CDH18: variants seen among roughly 807,000 people sequenced by gnomAD.
The protein encoded by CDH18 is cadherin-18.
CDH18 carries 31 observed loss-of-function variants against 67.9 expected under a neutral mutation model. The observed-to-expected ratio is 0.46, with a 90% CI of 0.34 to 0.62. The LOEUF is 0.62. Among genes scored for constraint, CDH18 ranks in the 20% least tolerant of loss-of-function variants. CDH18 has a pLI of 0.01. For missense variants in CDH18, 890 were observed against 975.5 expected, an observed-to-expected ratio of 0.91 and a Z score of 1.17; for synonymous variants, 362 against 347.2, an observed-to-expected ratio of 1.04 and a Z score of -0.48.
intron 3 of CDH18, among the ~76,000 whole-genome samples, chr5:19,816,484 T>C (rs747219278): frequency 3.4e-4 from 51 of 151,878 alleles, no homozygotes; most frequent in Non-Finnish European, 1.3e-4. Flanking sequence ...ATTTTAAATG[T>C]CTCCTTAGTT....
chr5:19,663,064 T>A (rs1247705807), intron 5 of CDH18, among the ~76,000 whole-genome samples: 4 of 151,954 alleles, frequency 2.6e-5, no homozygotes, highest in African/African-American at 9.7e-5. Context: ...AGTACTCATT[T>A]AACAACGTTC....
intron 1 of CDH18, among the ~76,000 whole-genome samples, chr5:20,559,947 G>T (rs1758108091): frequency 1.4e-5 from 1 of 73,108 alleles, no homozygotes; most frequent in Admixed American, 1.7e-4. Flanking sequence ...TTCCCTGCTA[G>T]GTCTGTTGCC....
chr5:20,341,777 G>C (rs1284295861), intron 1 of CDH18, among the ~76,000 whole-genome samples: 1 of 151,744 alleles, frequency 6.6e-6, no homozygotes, highest in East Asian at 1.9e-4. Flanking sequence ...GTAGTATGGA[G>C]AACACTGATA....
At chr5:20,227,890 C>T (rs1741760712) in intron 2 of CDH18, among the ~76,000 whole-genome samples, 1 of 152,090 alleles carries the variant, frequency 6.6e-6, no homozygotes, top group African/African-American at 2.4e-5. Context: ...TCTCTCTTCT[C>T]TGTCACAGGT....
intron 10 of CDH18, among the ~76,000 whole-genome samples, chr5:19,515,471 A>G (rs1262099136): frequency 6.6e-6 from 1 of 152,162 alleles, no homozygotes; most frequent in African/African-American, 2.4e-5. Context: ...GATTCTTCCT[A>G]TCCATGAGCA....
chr5:19,593,289 G>T (rs748804663), intron 6 of CDH18, among the ~76,000 whole-genome samples: 1 of 152,074 alleles, frequency 6.6e-6, no homozygotes, highest in Non-Finnish European at 1.5e-5. Flanking sequence ...CCAACAGTTT[G>T]CAAGGGTTCA....
At position 19,816,210 on chromosome 5, in the gene CDH18, T is replaced by C. The variant is rs2149920815; in HGVS notation, c.228+22549A>G. On this transcript the variant is annotated intron_variant, in intron 3 of 12. Transcript: ENST00000382275. ...ACACTATTTGGTCTCTTATCTATTC[T>C]TTTTAATTTTTATTCCTATCCTCTT... Among the ~76,000 whole-genome samples, 3 of 151,982 alleles carry C rather than the reference T, an allele frequency of 2.0e-5. No homozygotes were observed. The South Asian group carries it at 6.2e-4, about 31-fold the overall frequency.
intron 6 of CDH18, among the ~76,000 whole-genome samples, chr5:19,610,715 T>G (rs532835819): frequency 6.6e-6 from 1 of 152,146 alleles, no homozygotes; most frequent in Non-Finnish European, 1.5e-5. Flanking sequence ...GCTTATTATC[T>G]TTATCTTCAA....
At chr5:19,627,476 C>A (rs1183676376) in intron 5 of CDH18, among the ~76,000 whole-genome samples, 2 of 152,088 alleles carry the variant, frequency 1.3e-5, no homozygotes, top group African/African-American at 2.4e-5. Flanking sequence ...AAAATATTAT[C>A]AGTATTCAAC....
At chr5:20,109,581 T>C (rs1468621561) in intron 2 of CDH18, among the ~76,000 whole-genome samples, 1 of 152,144 alleles carries the variant, frequency 6.6e-6, no homozygotes, top group African/African-American at 2.4e-5. Context: ...GTTCAGCAGG[T>C]AGTTTTCCTT....
In CDH18 at chr5:19,502,572, A is replaced by G. The variant is rs114328882; in HGVS notation, c.1630+420T>C. The G allele has an allele frequency of 1.5e-3, 475 of 324,820 alleles. 3 individuals carry two copies. The highest frequency in any genetic ancestry group is 9.1e-3 in the African/African-American group (427 of 47,028). 20.1% of individuals were successfully genotyped at this position (324,820 alleles called of 1,614,324 possible). On this transcript the variant is annotated intron_variant, in intron 11 of 12. Transcript: ENST00000382275. ...TAACAAGAGGAAATATAATTTGTAA[A>G]GCACATCTTGATAGCCTTGCTCATA...
At chr5:20,059,727 T>C (rs1478379436) in intron 2 of CDH18, among the ~76,000 whole-genome samples, 1 of 152,158 alleles carries the variant, frequency 6.6e-6, no homozygotes, top group African/African-American at 2.4e-5. Context: ...TGCCCATCAG[T>C]GACTGGATAT....
chr5:20,218,709 T>C (rs116206365), intron 2 of CDH18, among the ~76,000 whole-genome samples: 1,645 of 152,100 alleles, frequency 0.011, 31 homozygotes, highest in African/African-American at 0.037. Flanking sequence ...TTTCCACTTT[T>C]GTATCTTCCT....
At chr5:20,406,455 A>ATTAGGAAATATACC (rs1746265468) in intron 1 of CDH18, among the ~76,000 whole-genome samples, 1 of 151,990 alleles carries the variant, frequency 6.6e-6, no homozygotes, top group Non-Finnish European at 1.5e-5. Context: ...GAGGGATAGC[A>ATTAGGAAATATACC]TTAGGAAATA....
chr5:20,270,142 A>G (rs2126661303), intron 1 of CDH18, among the ~76,000 whole-genome samples: 1 of 150,074 alleles, frequency 6.7e-6, no homozygotes, highest in South Asian at 2.1e-4. Context: ...AAAATGATGC[A>G]GGAGATTTCT....
intron 1 of CDH18, among the ~76,000 whole-genome samples, chr5:20,401,052 AG>A (rs1215077807): frequency 6.6e-6 from 1 of 152,176 alleles, no homozygotes; most frequent in Admixed American, 6.5e-5. Context: ...TCTGAGAAAA[AG>A]AAATGGGATA....
chr5:20,266,172 A>C (rs1226693129), intron 1 of CDH18, among the ~76,000 whole-genome samples: 2 of 152,158 alleles, frequency 1.3e-5, no homozygotes, highest in Non-Finnish European at 2.9e-5. Flanking sequence ...AGATTGTAGG[A>C]ATTCTCAGCC....
chr5:20,529,450 A>G (rs1756267506), intron 1 of CDH18, among the ~76,000 whole-genome samples: 1 of 152,092 alleles, frequency 6.6e-6, no homozygotes, highest in South Asian at 2.1e-4. Context: ...GGAAAACTTT[A>G]GGCCAATATC....
chr5:19,488,430 T>C (rs1477975753), intron 11 of CDH18, among the ~76,000 whole-genome samples: 1 of 152,176 alleles, frequency 6.6e-6, no homozygotes, highest in South Asian at 2.1e-4. Context: ...GCAGAAACAT[T>C]TGAAATCCTC....
Sources: allele counts gnomAD v4.1 joint callset (sites outside exome capture counted in the v4.1 genomes callset), GRCh38; gene constraint gnomAD v4.1.1; transcripts MANE v1.5; gene names NCBI Gene and HGNC (gene_info 2026-07-23, HGNC 2026-07-21).